The following ATRX variants were observed in gnomAD, a reference collection of about 807,000 sequenced individuals.
ATRX encodes chromatin remodeler ATRX.
ATRX carries 12 observed loss-of-function variants against 172.6 expected under a neutral mutation model. The observed-to-expected ratio is 0.07, with a 90% CI of 0.04 to 0.11. The LOEUF (loss-of-function observed/expected upper bound fraction) is 0.11, where lower values mean the gene tolerates loss of function less well. ATRX is among the 10% of genes least tolerant of loss of function. The pLI is 1.00. For missense variants in ATRX, 1,368 were observed against 1,767.4 expected (o/e 0.77, Z 4.05); for synonymous variants, 674 against 594.7 (o/e 1.13, Z -1.94).
intron 1 of ATRX, among the ~76,000 whole-genome samples, chrX:77,749,351 C>T (rs1394892409): frequency 2.7e-5 from 3 of 110,879 alleles, no homozygotes; most frequent in African/African-American, 9.8e-5. Flanking sequence ...ACACACACAC[C>T]AATTTTCTTC....
rs1252147379 is a variant in ATRX, at chrX:77,508,645, G to A, written c.7201-16C>T. 8.3e-7 allele frequency: 1 copy of A among 1,209,184 alleles called. No homozygotes were observed. On this transcript the variant is annotated splice_polypyrimidine_tract_variant and intron_variant, in intron 34 of 34. Coordinates refer to ENST00000373344, the MANE Select transcript of ATRX (RefSeq NM_000489.6). ...AGCTGATTAACTATAGAGAAAAAAT[G>A]GGAGTCATTACAAGTGCATGACCTG...
rs2147751706 is a variant in ATRX, at chrX:77,522,382, T to C, written c.6856A>G (p.Thr2286Ala). 1 of 1,210,242 alleles carries C rather than the reference T, an allele frequency of 8.3e-7. No homozygotes were observed. Among genetic ancestry groups the C allele is most frequent in the Non-Finnish European group, 1.1e-6 (1 of 894,471 alleles). The part of the protein sequence containing the change: ...AEYEAEKKGL[T>A]MRFNIPTGTN... ...CCAGTTGGTATGTTGAAACGCATGG[T>C]CAGTCCCTAAAAACAAAAAAATTAT... Residue 2286 changes from threonine to alanine, a missense_variant, in exon 32 of 35, where the codon ACC becomes GCC. Thr to Ala is a moderately conservative substitution (Grantham distance 58). Coordinates refer to ENST00000373344, the MANE Select transcript of ATRX (RefSeq NM_000489.6).
intron 13 of ATRX, among the ~76,000 whole-genome samples, chrX:77,654,753 G>A (rs963598521): frequency 1.8e-5 from 2 of 111,432 alleles, no homozygotes; most frequent in African/African-American, 6.5e-5. Context: ...ATGGCAGTTC[G>A]TCAAAAAATT....
chrX:77,541,428 A>G (rs1250287507), intron 30 of ATRX, among the ~76,000 whole-genome samples: 1 of 112,117 alleles, frequency 8.9e-6, no homozygotes. Context: ...AAACTATTCC[A>G]ATCAATAGAA....
At chrX:77,701,793 C>T (rs782186014) in intron 2 of ATRX, among the ~76,000 whole-genome samples, 4 of 111,469 alleles carry the variant, frequency 3.6e-5, no homozygotes, top group South Asian at 3.7e-4. Flanking sequence ...GGGCCAGGCG[C>T]GGTGGCTGAT....
intron 1 of ATRX, among the ~76,000 whole-genome samples, chrX:77,741,593 C>A (rs1184192730): frequency 9.0e-6 from 1 of 111,068 alleles, no homozygotes; most frequent in Non-Finnish European, 1.9e-5. Flanking sequence ...TCTCAAGTAG[C>A]TGGGACTACA....
intron 2 of ATRX, among the ~76,000 whole-genome samples, chrX:77,702,121 T>C (rs1379897090): frequency 8.9e-6 from 1 of 111,761 alleles, no homozygotes; most frequent in South Asian, 3.7e-4. Context: ...ATCTCATACA[T>C]AGAAGATCCT....
intron 30 of ATRX, among the ~76,000 whole-genome samples, chrX:77,554,993 A>T (rs1431316382): frequency 2.7e-5 from 3 of 111,925 alleles, no homozygotes; most frequent in African/African-American, 9.7e-5. Flanking sequence ...TTGAAGTCCA[A>T]TACATTAAAA....
intron 1 of ATRX, among the ~76,000 whole-genome samples, chrX:77,766,238 G>A (rs1239948638): frequency 8.9e-6 from 1 of 112,848 alleles, no homozygotes; most frequent in Non-Finnish European, 1.9e-5. Context: ...GCCGGGCAGA[G>A]GGGCTCCTCA....
chrX:77,597,163 T>C (rs2066494637), intron 25 of ATRX, among the ~76,000 whole-genome samples: 1 of 110,712 alleles, frequency 9.0e-6, no homozygotes, highest in South Asian at 3.8e-4. Flanking sequence ...AAGATGAACA[T>C]TGATAGTAAA....
At chrX:77,602,607 T>C (rs1452924245) in intron 22 of ATRX, among the ~76,000 whole-genome samples, 1 of 110,737 alleles carries the variant, frequency 9.0e-6, no homozygotes, top group Non-Finnish European at 1.9e-5. Flanking sequence ...CCCTGTGTTT[T>C]TGTTTTCATT....
intron 29 of ATRX, 121 bp downstream of exon 29, chrX:77,558,548 T>A: frequency 1.6e-6 from 1 of 621,725 alleles, no homozygotes; most frequent in Non-Finnish European, 2.5e-6. Context: ...TGCTGCTTTA[T>A]GTACAGAAAT....
chrX:77,640,456 G>A (rs2068600045), intron 15 of ATRX, among the ~76,000 whole-genome samples: 3 of 110,604 alleles, frequency 2.7e-5, no homozygotes, highest in Non-Finnish European at 5.7e-5. Context: ...TGAATTGAAG[G>A]GAAAATAAAG....
chrX:77,630,534 A>G (rs560636990), intron 19 of ATRX, among the ~76,000 whole-genome samples: 3 of 112,426 alleles, frequency 2.7e-5, no homozygotes, highest in African/African-American at 9.7e-5. Flanking sequence ...TGGCATAAGG[A>G]CAGACATATA....
chrX:77,772,319 A>C (rs1201386180), intron 1 of ATRX, among the ~76,000 whole-genome samples: 1 of 107,176 alleles, frequency 9.3e-6, no homozygotes, highest in Non-Finnish European at 1.9e-5. Flanking sequence ...CAAAAAAAAA[A>C]AAAAAAGTGT....
At chrX:77,538,181 G>A (rs917589930) in intron 30 of ATRX, among the ~76,000 whole-genome samples, 1 of 107,128 alleles carries the variant, frequency 9.3e-6, no homozygotes, top group African/African-American at 3.4e-5. Flanking sequence ...ATGTGCCCCC[G>A]AACTTAAAAG....
chrX:77,606,063 C>T (rs782804578), intron 22 of ATRX, among the ~76,000 whole-genome samples: 1 of 110,456 alleles, frequency 9.1e-6, no homozygotes, highest in East Asian at 2.9e-4. Context: ...AATCCAAAAC[C>T]TGAACAGACC....
intron 10 of ATRX, among the ~76,000 whole-genome samples, chrX:77,670,402 A>G: frequency 8.9e-6 from 1 of 112,391 alleles, no homozygotes; most frequent in East Asian, 2.8e-4. Flanking sequence ...TAAATATTTT[A>G]GTAGGGTGTG....
At chrX:77,686,572 C>T (rs782452029) in intron 7 of ATRX, among the ~76,000 whole-genome samples, 24 of 109,811 alleles carry the variant, frequency 2.2e-4, no homozygotes, top group Non-Finnish European at 4.0e-4. Context: ...AAAAATTAGC[C>T]GGGCGTGGTG....
Sources: gnomAD v4.1 joint callset for allele counts (sites outside exome capture counted in the v4.1 genomes callset) on GRCh38, gnomAD v4.1.1 for gene constraint, MANE v1.5 for transcripts, NCBI Gene and HGNC (gene_info 2026-07-23, HGNC 2026-07-21) for gene names.